BICC1: variants seen among roughly 807,000 people sequenced by gnomAD.
BICC1 encodes the protein protein bicaudal C homolog 1.
A neutral mutation model predicts 111.0 loss-of-function variants in BICC1; 43 were observed. That is an observed-to-expected ratio of 0.39 (90% CI 0.30 to 0.50). The LOEUF is 0.50. Ranked by LOEUF, BICC1 falls within the 20% of genes least tolerant of loss-of-function variation. The pLI, the probability that BICC1 is intolerant of heterozygous loss-of-function variation, is 0.88. For synonymous variants in BICC1, 467 were observed against 434.4 expected (o/e 1.07, Z -0.93); for missense variants, 1,091 against 1,203.2 (o/e 0.91, Z 1.38).
chr10:58,740,369 T>A (rs1449829349), intron 3 of BICC1, among the ~76,000 whole-genome samples: 1 of 152,238 alleles, frequency 6.6e-6, no homozygotes, highest in African/African-American at 2.4e-5. Flanking sequence ...TCTTAAGGTT[T>A]TGTGCTGTTC....
intron 10 of BICC1, among the ~76,000 whole-genome samples, chr10:58,797,891 A>T (rs1052372156): frequency 6.6e-6 from 1 of 152,178 alleles, no homozygotes; most frequent in Non-Finnish European, 1.5e-5. Context: ...GAAGTCATGT[A>T]TATGTTTTGA....
intron 1 of BICC1, among the ~76,000 whole-genome samples, chr10:58,544,016 G>C (rs1458119968): frequency 6.6e-6 from 1 of 151,908 alleles, no homozygotes; most frequent in African/African-American, 2.4e-5. Context: ...GGTTACCTTT[G>C]TTACAGTTTA....
chr10:58,694,169 C>T (rs570141615), intron 2 of BICC1, among the ~76,000 whole-genome samples: 28 of 152,220 alleles, frequency 1.8e-4, no homozygotes, highest in Non-Finnish European at 4.1e-4. Flanking sequence ...ATTTCATTTC[C>T]AGCATTGTCA....
intron 1 of BICC1, among the ~76,000 whole-genome samples, chr10:58,589,994 A>G (rs1844557165): frequency 6.6e-6 from 1 of 151,900 alleles, no homozygotes; most frequent in South Asian, 2.1e-4. Context: ...TTTTGTTCCT[A>G]TCCTCACCCA....
At chr10:58,721,583 A>G (rs1290528064) in intron 3 of BICC1, among the ~76,000 whole-genome samples, 2 of 152,222 alleles carry the variant, frequency 1.3e-5, no homozygotes, top group African/African-American at 2.4e-5. Flanking sequence ...ACCATCTGCA[A>G]AAGTATTACA....
At chr10:58,588,088 A>G (rs1193645864) in intron 1 of BICC1, among the ~76,000 whole-genome samples, 1 of 152,216 alleles carries the variant, frequency 6.6e-6, no homozygotes, top group Admixed American at 6.5e-5. Context: ...ATGCTTTTCC[A>G]TTGTGATTGA....
intron 2 of BICC1, among the ~76,000 whole-genome samples, chr10:58,630,550 T>G (rs1837761172): frequency 6.6e-6 from 1 of 152,142 alleles, no homozygotes; most frequent in African/African-American, 2.4e-5. Context: ...CACCTTAGCC[T>G]CCTGAGTAGC....
chr10:58,768,420 T>C (rs1183856152), intron 3 of BICC1, among the ~76,000 whole-genome samples: 1 of 152,158 alleles, frequency 6.6e-6, no homozygotes, highest in African/African-American at 2.4e-5. Context: ...CTAAGAGAGT[T>C]CATCACCACT....
Position 58,828,070 on chromosome 10 carries a change from G to A in BICC1, c.2795-691G>A, listed in dbSNP as rs1358517692. 2.0e-5 allele frequency among the ~76,000 whole-genome samples: 3 copies of A among 152,308 alleles called. No individual in the cohort carries two copies. The East Asian group carries it at 5.8e-4, about 29-fold the overall frequency. ...AAAATACATATAACATACAGAACAT[G>A]TGTTAATCAACTTACTGGTAAGGCT... On this transcript the variant is annotated intron_variant, in intron 20 of 20. Transcript: ENST00000373886.
At position 58,620,928 on chromosome 10, in the gene BICC1, G is replaced by A. The variant is rs748638593; in HGVS notation, c.237+27G>A. 7 of 1,605,074 alleles carry A rather than the reference G, an allele frequency of 4.4e-6. No individual in the cohort carries two copies. In the Admixed American group the frequency reaches 8.4e-5, roughly 19 times the overall value. ...TAAGTTGTCTTTTACTCTTGTCATG[G>A]TGATAAGTAAGAGGAAATATACTTA... On this transcript the variant is annotated intron_variant, in intron 2 of 20. Transcript: ENST00000373886.
At chr10:58,637,644 A>G (rs1837990737) in intron 2 of BICC1, among the ~76,000 whole-genome samples, 1 of 152,310 alleles carries the variant, frequency 6.6e-6, no homozygotes, top group Admixed American at 6.5e-5. Context: ...TCCCTTCTAC[A>G]TCTTACTGGT....
In BICC1 at chr10:58,828,969, C is replaced by T. The variant is rs61861309; in HGVS notation, c.*78C>T. ...ATGTATGAACAGCCTTCACAGCACA[C>T]CATCCTTAGCACTCTGGGTGTCTGG... is the stretch of plus-strand genomic sequence containing the variant. On this transcript the variant is annotated 3_prime_UTR_variant, in exon 21 of 21. Transcript: ENST00000373886. The T allele has an allele frequency of 2.6e-6, 4 of 1,550,966 alleles. No homozygotes were observed. The highest frequency in any genetic ancestry group is 3.5e-6 in the Non-Finnish European group (4 of 1,137,656).
intron 3 of BICC1, among the ~76,000 whole-genome samples, chr10:58,754,462 C>T (rs1842082542): frequency 6.6e-6 from 1 of 152,134 alleles, no homozygotes; most frequent in Non-Finnish European, 1.5e-5. Flanking sequence ...ATTAAAGTAC[C>T]TTTGGTAGCA....
At chr10:58,729,795 T>A (rs1192061423) in intron 3 of BICC1, among the ~76,000 whole-genome samples, 3 of 152,172 alleles carry the variant, frequency 2.0e-5, no homozygotes, top group African/African-American at 4.8e-5. Flanking sequence ...TCACTCACTA[T>A]TGTGACGACA....
At chr10:58,632,158 A>C (rs1257546228) in intron 2 of BICC1, among the ~76,000 whole-genome samples, 3 of 152,220 alleles carry the variant, frequency 2.0e-5, no homozygotes, top group East Asian at 1.9e-4. Flanking sequence ...GGGCTACCTC[A>C]TAATCTGGGA....
At chr10:58,667,636 A>G (rs781556118) in intron 2 of BICC1, among the ~76,000 whole-genome samples, 1 of 152,100 alleles carries the variant, frequency 6.6e-6, no homozygotes, top group South Asian at 2.1e-4. Flanking sequence ...GGCAAAGGCA[A>G]TAGGGTAGAG....
chr10:58,797,887 A>G (rs1368688079), intron 10 of BICC1, among the ~76,000 whole-genome samples: 2 of 152,180 alleles, frequency 1.3e-5, no homozygotes, highest in Non-Finnish European at 1.5e-5. Context: ...CAGGGAAGTC[A>G]TGTATATGTT....
chr10:58,642,432 G>T (rs537938844), intron 2 of BICC1, among the ~76,000 whole-genome samples: 6 of 152,162 alleles, frequency 3.9e-5, no homozygotes, highest in African/African-American at 1.2e-4. Context: ...GAAGAGGTCA[G>T]AATGATGAGT....
intron 3 of BICC1, among the ~76,000 whole-genome samples, chr10:58,756,834 C>T (rs1293243461): frequency 2.6e-5 from 4 of 152,036 alleles, no homozygotes; most frequent in East Asian, 3.9e-4. Context: ...CAAAGAAAAG[C>T]GATAACTTTC....
Sources: allele counts gnomAD v4.1 joint callset (sites outside exome capture counted in the v4.1 genomes callset), GRCh38; gene constraint gnomAD v4.1.1; transcripts MANE v1.5; gene names NCBI Gene and HGNC (gene_info 2026-07-23, HGNC 2026-07-21).